The following FOXN3 variants were observed in gnomAD, a reference collection of about 807,000 sequenced individuals.
FOXN3 encodes the protein forkhead box protein N3.
A neutral mutation model predicts 38.4 loss-of-function variants in FOXN3; 7 were observed. That is an observed-to-expected ratio of 0.18 (90% CI 0.10 to 0.34). FOXN3 has a LOEUF of 0.34. Ranked by LOEUF, FOXN3 falls within the 10% of genes least tolerant of loss-of-function variation. The pLI is 1.00. For synonymous variants in FOXN3, 230 were observed against 242.2 expected, an observed-to-expected ratio of 0.95 and a Z score of 0.47; for missense variants, 456 against 613.4, an observed-to-expected ratio of 0.74 and a Z score of 2.71.
intron 4 of FOXN3, among the ~76,000 whole-genome samples, chr14:89,222,015 G>T (rs1884482427): frequency 2.0e-5 from 3 of 151,914 alleles, no homozygotes; most frequent in Admixed American, 2.0e-4. Context: ...GTAGAGACGG[G>T]GTTTCACCGC....
intron 4 of FOXN3, among the ~76,000 whole-genome samples, chr14:89,262,125 A>AGAAGT (rs1462109858): frequency 2.0e-5 from 3 of 151,862 alleles, no homozygotes; most frequent in Non-Finnish European, 4.4e-5. Flanking sequence ...AAAGGAGAAG[A>AGAAGT]AGAAGAAGAG....
chr14:89,336,903 C>T (rs1888477456), intron 3 of FOXN3, among the ~76,000 whole-genome samples: 2 of 152,150 alleles, frequency 1.3e-5, no homozygotes, highest in African/African-American at 4.8e-5. Flanking sequence ...ACTTCAACAA[C>T]TCTGATGATG....
chr14:89,458,669 C>T (rs1369027465), intron 1 of FOXN3, among the ~76,000 whole-genome samples: 1 of 152,096 alleles, frequency 6.6e-6, no homozygotes. Context: ...CAAATGATTA[C>T]CAAAAAGCTA....
intron 3 of FOXN3, among the ~76,000 whole-genome samples, chr14:89,309,381 G>A (rs1210511594): frequency 6.6e-6 from 1 of 152,162 alleles, no homozygotes; most frequent in Non-Finnish European, 1.5e-5. Context: ...CTGGGCAGGC[G>A]CAGAGGGGCA....
chr14:89,304,269 TGAC>T (rs1311598531), intron 3 of FOXN3, among the ~76,000 whole-genome samples: 1 of 152,212 alleles, frequency 6.6e-6, no homozygotes, highest in Non-Finnish European at 1.5e-5. Context: ...CAGCCTCTGC[TGAC>T]GACATTTCTT....
chr14:89,511,935 G>A (rs1226336139), intron 1 of FOXN3, among the ~76,000 whole-genome samples: 3 of 152,162 alleles, frequency 2.0e-5, no homozygotes, highest in Non-Finnish European at 2.9e-5. Flanking sequence ...CACAAGAACA[G>A]GATGGGGAAA....
At chr14:89,442,451 A>T (rs527321368) in intron 1 of FOXN3, among the ~76,000 whole-genome samples, 2 of 152,342 alleles carry the variant, frequency 1.3e-5, no homozygotes, top group East Asian at 3.8e-4. Context: ...AGTGAATGTC[A>T]CATGCTGAGG....
intron 1 of FOXN3, among the ~76,000 whole-genome samples, chr14:89,558,702 G>A (rs555716560): frequency 2.6e-5 from 4 of 152,250 alleles, no homozygotes; most frequent in African/African-American, 4.8e-5. Context: ...CCTCAGGGAA[G>A]GTGGTGCAGG....
intron 4 of FOXN3, among the ~76,000 whole-genome samples, chr14:89,232,034 T>C (rs1884828265): frequency 6.6e-6 from 1 of 152,164 alleles, no homozygotes; most frequent in Non-Finnish European, 1.5e-5. Context: ...AAGAATACTA[T>C]CTGCCTTCAG....
chr14:89,264,164 C>G (rs958934562), intron 4 of FOXN3: 6 of 152,684 alleles, frequency 3.9e-5, no homozygotes, highest in African/African-American at 1.4e-4. Context: ...CTAATCATTA[C>G]CTTGCACTCT....
intron 4 of FOXN3, among the ~76,000 whole-genome samples, chr14:89,186,741 G>A (rs183206566): frequency 7.2e-5 from 11 of 152,320 alleles, no homozygotes; most frequent in Admixed American, 1.3e-4. Flanking sequence ...CATGCACAGC[G>A]GATGCTGCCA....
At chr14:89,592,045 T>G (rs555311388) in intron 1 of FOXN3, among the ~76,000 whole-genome samples, 1 of 152,300 alleles carries the variant, frequency 6.6e-6, no homozygotes, top group South Asian at 2.1e-4. Flanking sequence ...AAGGCATTGC[T>G]TATGTTAAAA....
chr14:89,166,225 C>T (rs1887237489), intron 5 of FOXN3, among the ~76,000 whole-genome samples: 1 of 152,138 alleles, frequency 6.6e-6, no homozygotes, highest in South Asian at 2.1e-4. Flanking sequence ...GGAATGGTTT[C>T]GAGCCTGAGA....
intron 4 of FOXN3, among the ~76,000 whole-genome samples, chr14:89,246,239 T>A (rs1013922122): frequency 9.9e-5 from 15 of 152,202 alleles, no homozygotes; most frequent in Non-Finnish European, 2.9e-5. Context: ...TCTTATTACA[T>A]CACCCTCACA....
At chr14:89,472,455 T>C (rs898156476) in intron 1 of FOXN3, among the ~76,000 whole-genome samples, 1 of 151,960 alleles carries the variant, frequency 6.6e-6, no homozygotes, top group African/African-American at 2.4e-5. Context: ...GCGCGGTGGC[T>C]CACGCCTGTA....
chr14:89,463,698 A>G (rs1345666438), intron 1 of FOXN3, among the ~76,000 whole-genome samples: 1 of 152,058 alleles, frequency 6.6e-6, no homozygotes, highest in Admixed American at 6.5e-5. Context: ...TCATTGCTTC[A>G]GGGCCATAAG....
intron 4 of FOXN3, among the ~76,000 whole-genome samples, chr14:89,201,609 G>C (rs139984447): frequency 6.6e-6 from 1 of 152,300 alleles, no homozygotes; most frequent in Non-Finnish European, 1.5e-5. Context: ...GAAGCCCCTT[G>C]AGACCACAGC....
At chr14:89,236,258 G>A (rs546586936) in intron 4 of FOXN3, among the ~76,000 whole-genome samples, 5 of 152,324 alleles carry the variant, frequency 3.3e-5, no homozygotes, top group Middle Eastern at 3.4e-3. Flanking sequence ...GCTCATGCCT[G>A]TAATCCCAGC....
At chr14:89,522,370 A>C (rs1278742535) in intron 1 of FOXN3, among the ~76,000 whole-genome samples, 1 of 152,232 alleles carries the variant, frequency 6.6e-6, no homozygotes, top group Non-Finnish European at 1.5e-5. Flanking sequence ...TGTTAGAAGA[A>C]GTCCTTCAGG....
Sources: gnomAD v4.1 joint callset for allele counts (sites outside exome capture counted in the v4.1 genomes callset) on GRCh38, gnomAD v4.1.1 for gene constraint, MANE v1.5 for transcripts, NCBI Gene and HGNC (gene_info 2026-07-23, HGNC 2026-07-21) for gene names.